Variants in EIF2A observed in about 807,000 individuals in gnomAD.
The protein encoded by EIF2A is 65 kDa eukaryotic translation initiation factor 2A.
EIF2A carries 62 observed loss-of-function variants against 75.2 expected under a neutral mutation model. The ratio of observed to expected loss-of-function variants is 0.82; its 90% confidence interval spans 0.67 to 1.02. The LOEUF (loss-of-function observed/expected upper bound fraction) is 1.02, where lower values mean the gene tolerates loss of function less well. Ranked by LOEUF, EIF2A falls within the 50% of genes least tolerant of loss-of-function variation. EIF2A has a pLI of 0.00. For synonymous variants in EIF2A, 207 were observed against 239.0 expected, an observed-to-expected ratio of 0.87 and a Z score of 1.23; for missense variants, 611 against 677.7, an observed-to-expected ratio of 0.90 and a Z score of 1.09.
At chr3:150,571,507 C>T (rs528790137) in intron 9 of EIF2A, among the ~76,000 whole-genome samples, 3 of 152,206 alleles carry the variant, frequency 2.0e-5, no homozygotes, top group Admixed American at 6.5e-5. Flanking sequence ...TTTGGAATGC[C>T]AAGGCAGGAG....
chr3:150,563,955 A>T (rs1023371965), intron 5 of EIF2A, among the ~76,000 whole-genome samples: 2 of 152,118 alleles, frequency 1.3e-5, no homozygotes, highest in Non-Finnish European at 2.9e-5. Flanking sequence ...AGTAGCTGGG[A>T]CTACAGGCAC....
intron 11 of EIF2A, among the ~76,000 whole-genome samples, chr3:150,577,183 C>G (rs1280471434): frequency 6.6e-6 from 1 of 152,146 alleles, no homozygotes; most frequent in African/African-American, 2.4e-5. Context: ...TTTTATAAAG[C>G]TACTAATCTC....
Position 150,581,803 on chromosome 3 carries a change from G to A in EIF2A, c.1626+57G>A, listed in dbSNP as rs1725198154. ...AAAGGTATACATGAAAATTATATAA[G>A]TAAGAGAGTACTTAGATGCCTAAAG... On this transcript the variant is annotated intron_variant, in intron 12 of 13. Transcript: ENST00000460851. 62 of 1,541,168 alleles carry A rather than the reference G, an allele frequency of 4.0e-5. 1 individual carries two copies. In the South Asian group the frequency reaches 7.0e-4, roughly 17 times the overall value.
At position 150,547,021 on chromosome 3, in the gene EIF2A, G is replaced by A. The variant is rs201741715; in HGVS notation, c.28+191G>A. On this transcript the variant is annotated intron_variant, in intron 1 of 13. Coordinates refer to ENST00000460851, the MANE Select transcript of EIF2A (RefSeq NM_032025.5). Reference sequence around the variant, plus strand: ...GTGAAGTCTCCGCCTCTGGGCTTTCGTATTCCCCCTCCCTTTCACCCATCC... The same window carrying A: ...GTGAAGTCTCCGCCTCTGGGCTTTCATATTCCCCCTCCCTTTCACCCATCC... 4 of 645,754 alleles carry A rather than the reference G, an allele frequency of 6.2e-6. No homozygotes were observed. In the East Asian group the frequency reaches 8.3e-5, roughly 13 times the overall value. 40.0% of individuals were successfully genotyped at this position (645,754 alleles called of 1,614,324 possible).
chr3:150,546,818 C>G lies in EIF2A; in HGVS notation c.16C>G (p.Pro6Ala), dbSNP rs369746328. MAPST[P>A]LLTVRGSEGL... ...CCGGGACAACATGGCGCCGTCCACG[C>G]CGCTCTTGACAGGTGAGTTCTGAAG... Residue 6 changes from proline (P) to alanine (A), a missense_variant, in exon 1 of 14, where the codon CCG (proline) becomes GCG (alanine). Transcript: ENST00000460851. 63 of 1,612,358 alleles carry G rather than the reference C, an allele frequency of 3.9e-5. No homozygotes were observed. Among genetic ancestry groups the G allele is most frequent in the Non-Finnish European group, 5.2e-5 (61 of 1,179,898 alleles).
chr3:150,575,611 A>G, intron 10 of EIF2A, 38 bp from the exon 11 acceptor site: 1 of 1,513,756 alleles, frequency 6.6e-7, no homozygotes, highest in Non-Finnish European at 9.0e-7. Context: ...TGTTTACAAC[A>G]TGGACTCCAT....
At chr3:150,550,886 G>C (rs999267588) in intron 1 of EIF2A, among the ~76,000 whole-genome samples, 2 of 152,134 alleles carry the variant, frequency 1.3e-5, no homozygotes, top group African/African-American at 4.8e-5. Flanking sequence ...TTGAATTCCT[G>C]GGCTCAAGCC....
intron 6 of EIF2A, chr3:150,565,340 C>A: frequency 2.8e-6 from 1 of 354,684 alleles, no homozygotes; most frequent in Non-Finnish European, 5.6e-6. Context: ...TGTTTCATGC[C>A]TGGATGCATT....
intron 3 of EIF2A, 38 bp downstream of exon 3, chr3:150,558,500 G>C: frequency 7.1e-7 from 1 of 1,416,330 alleles, no homozygotes; most frequent in African/African-American, 1.5e-5. Flanking sequence ...TGTGTGTCAC[G>C]AATATAAACA....
intron 3 of EIF2A, among the ~76,000 whole-genome samples, chr3:150,560,530 C>A (rs1448178332): frequency 6.6e-6 from 1 of 152,112 alleles, no homozygotes; most frequent in Non-Finnish European, 1.5e-5. Context: ...AAGAAAGCGT[C>A]TTGTAATTCT....
intron 2 of EIF2A, chr3:150,552,788 A>G: frequency 6.0e-6 from 1 of 166,174 alleles, no homozygotes; most frequent in Non-Finnish European, 1.3e-5. Flanking sequence ...ATAATGAAAA[A>G]GATATTAAAA....
chr3:150,572,786 G>A (rs1724614574), intron 10 of EIF2A, among the ~76,000 whole-genome samples: 1 of 151,228 alleles, frequency 6.6e-6, no homozygotes, highest in East Asian at 2.0e-4. Context: ...AACCCGGGAG[G>A]TGGAGGTTGC....
chr3:150,583,822 C>T (rs1235170752), intron 13 of EIF2A, 24 bp from the exon 14 acceptor site: 1 of 1,609,108 alleles, frequency 6.2e-7, no homozygotes, highest in South Asian at 1.1e-5. Context: ...TTCATAATAA[C>T]TTCATTGTTT....
chr3:150,564,303 C>G lies in EIF2A; in HGVS notation c.397C>G (p.Pro133Ala). 1 of 1,568,842 alleles carries G rather than the reference C, an allele frequency of 6.4e-7. No homozygotes were observed. Residue 133 changes from proline to alanine, a missense_variant, in exon 6 of 14, where the codon CCA (proline) becomes GCA (alanine). By Grantham distance (27) the Pro-to-Ala change is conservative. Transcript: ENST00000460851. Reference sequence around the variant, plus strand: ...TTTTTTTTTTCATTGACATAGGTGTCCATCCTGGTCAGAAGATGAAACTCT... The same window carrying G: ...TTTTTTTTTTCATTGACATAGGTGTGCATCCTGGTCAGAAGATGAAACTCT... ...FIQKKMQNWC[P>A]SWSEDETLCA...
At chr3:150,582,384 G>T (rs1054785598) in intron 12 of EIF2A, among the ~76,000 whole-genome samples, 1 of 150,182 alleles carries the variant, frequency 6.7e-6, no homozygotes, top group East Asian at 2.0e-4. Context: ...GCGCGATCTC[G>T]GCTCACTGCA....
In EIF2A at chr3:150,563,527, GCACAGCTGGGATAC is replaced by G; in HGVS notation, c.307_320del (p.Thr103GlnfsTer6). 1 of 1,546,430 alleles carries G rather than the reference GCACAGCTGGGATAC, an allele frequency of 6.5e-7. No homozygotes were observed. Among genetic ancestry groups the G allele is most frequent in the South Asian group, 1.2e-5 (1 of 82,022 alleles). On this transcript the variant is annotated frameshift_variant, in exon 5 of 14. Transcript: ENST00000460851. LOFTEE classifies it high-confidence loss of function. ...AATTTTATTGCAGCTTCTAAAGATG[GCACAGCTGGGATAC>G]CCAACCTACAACTTTATGATGTGAA...
At chr3:150,554,757 C>T (rs1723476444) in intron 2 of EIF2A, among the ~76,000 whole-genome samples, 1 of 152,162 alleles carries the variant, frequency 6.6e-6, no homozygotes, top group Admixed American at 6.6e-5. Flanking sequence ...TCATCTGACT[C>T]TACTGACCAA....
intron 1 of EIF2A, 131 bp downstream of exon 1, chr3:150,546,961 C>G: frequency 7.8e-7 from 1 of 1,283,050 alleles, no homozygotes; most frequent in Non-Finnish European, 1.1e-6. Flanking sequence ...AAAGGCCAGA[C>G]TGTTGGCTTT....
At chr3:150,581,582 C>G (rs959322732) in intron 11 of EIF2A, 36 bp from the exon 12 acceptor site, 6 of 1,545,352 alleles carry the variant, frequency 3.9e-6, no homozygotes, top group Non-Finnish European at 5.2e-6. Flanking sequence ...ATGTTTTTGG[C>G]TTTTAAAATT....
Sources: allele counts gnomAD v4.1 joint callset (sites outside exome capture counted in the v4.1 genomes callset), GRCh38; gene constraint gnomAD v4.1.1; transcripts MANE v1.5; gene names NCBI Gene and HGNC (gene_info 2026-07-23, HGNC 2026-07-21).